FOXJ3: variants seen among roughly 807,000 people sequenced by gnomAD.
The protein encoded by FOXJ3 is forkhead box protein J3.
FOXJ3 carries 22 observed loss-of-function variants against 76.1 expected under a neutral mutation model. That is an observed-to-expected ratio of 0.29 (90% CI 0.21 to 0.41). FOXJ3 has a LOEUF of 0.41. Ranked by LOEUF, FOXJ3 falls within the 10% of genes least tolerant of loss-of-function variation. FOXJ3 has a pLI of 1.00. For missense variants in FOXJ3, 613 were observed against 762.1 expected, an observed-to-expected ratio of 0.80 and a Z score of 2.30; for synonymous variants, 269 against 261.2, an observed-to-expected ratio of 1.03 and a Z score of -0.29.
intron 1 of FOXJ3, among the ~76,000 whole-genome samples, chr1:42,313,799 C>A (rs1052928528): frequency 6.6e-6 from 1 of 152,050 alleles, no homozygotes; most frequent in African/African-American, 2.4e-5. Context: ...GAGCAGCTTT[C>A]TTTATTTAAA....
chr1:42,265,031 T>G, intron 4 of FOXJ3, 84 bp downstream of exon 4: 1 of 878,086 alleles, frequency 1.1e-6, no homozygotes. Context: ...GAGGTTCCTA[T>G]TCAATGAACT....
intron 1 of FOXJ3, among the ~76,000 whole-genome samples, chr1:42,327,802 C>T (rs1311889672): frequency 3.3e-5 from 5 of 152,146 alleles, no homozygotes; most frequent in African/African-American, 9.7e-5. Flanking sequence ...AAACACTATA[C>T]CACTGAGGAG....
intron 1 of FOXJ3, among the ~76,000 whole-genome samples, chr1:42,331,754 C>T (rs936473288): frequency 1.3e-5 from 2 of 151,242 alleles, no homozygotes; most frequent in Admixed American, 6.6e-5. Context: ...TGTGAATACA[C>T]TAAAAACCAC....
intron 5 of FOXJ3, among the ~76,000 whole-genome samples, chr1:42,212,303 T>C (rs1200484677): frequency 1.3e-5 from 2 of 151,692 alleles, no homozygotes; most frequent in Admixed American, 6.6e-5. Flanking sequence ...AAATACAAGG[T>C]GAAAATGCAA....
intron 4 of FOXJ3, among the ~76,000 whole-genome samples, chr1:42,259,797 A>G (rs1650895138): frequency 6.6e-6 from 1 of 152,126 alleles, no homozygotes; most frequent in African/African-American, 2.4e-5. Context: ...TCCTGATTCT[A>G]CCCAGCTTTG....
intron 1 of FOXJ3, chr1:42,315,492 G>T: frequency 1.5e-6 from 1 of 670,454 alleles, no homozygotes; most frequent in Non-Finnish European, 1.8e-6. Flanking sequence ...CCTCCAATAA[G>T]TTACCATTTA....
intron 1 of FOXJ3, 108 bp from the exon 2 acceptor site, chr1:42,311,218 TAC>T: frequency 2.9e-6 from 2 of 686,316 alleles, no homozygotes; most frequent in Non-Finnish European, 4.8e-6. Context: ...TAGAATGTTC[TAC>T]TAAAGAATTC....
chr1:42,285,182 C>T (rs1291129787), intron 2 of FOXJ3, among the ~76,000 whole-genome samples: 1 of 152,022 alleles, frequency 6.6e-6, no homozygotes, highest in African/African-American at 2.4e-5. Flanking sequence ...TAAACGTGTG[C>T]CATGGTGGTT....
At chr1:42,182,141 A>T in intron 11 of FOXJ3, 117 bp from the exon 12 acceptor site, 1 of 611,118 alleles carries the variant, frequency 1.6e-6, no homozygotes, top group Non-Finnish European at 2.9e-6. Flanking sequence ...TAAAATAAGG[A>T]GAAAGGGGGA....
At chr1:42,257,923 A>G (rs1313124142) in intron 4 of FOXJ3, among the ~76,000 whole-genome samples, 1 of 152,174 alleles carries the variant, frequency 6.6e-6, no homozygotes, top group African/African-American at 2.4e-5. Flanking sequence ...TACCCTGCAT[A>G]TTTATCTTAG....
At chr1:42,314,809 A>G (rs1204536303) in intron 1 of FOXJ3, among the ~76,000 whole-genome samples, 3 of 152,248 alleles carry the variant, frequency 2.0e-5, no homozygotes, top group Non-Finnish European at 4.4e-5. Flanking sequence ...TTATAAGCAT[A>G]TACATCTCCA....
intron 8 of FOXJ3, among the ~76,000 whole-genome samples, chr1:42,194,512 G>A (rs767624600): frequency 2.6e-5 from 4 of 152,194 alleles, no homozygotes; most frequent in African/African-American, 4.8e-5. Context: ...GCTAATACCA[G>A]TCAGAACAAA....
At chr1:42,270,065 T>G (rs189058081) in intron 3 of FOXJ3, among the ~76,000 whole-genome samples, 93 of 152,312 alleles carry the variant, frequency 6.1e-4, no homozygotes, top group African/African-American at 2.0e-3. Flanking sequence ...TCTGACCCTA[T>G]CTTGCTTTCA....
chr1:42,300,555 C>A (rs953349672), intron 2 of FOXJ3, among the ~76,000 whole-genome samples: 3 of 152,072 alleles, frequency 2.0e-5, no homozygotes, highest in Admixed American at 6.6e-5. Flanking sequence ...GCGGGTGGAT[C>A]GCTTGAGCTC....
rs556676744 is a variant in FOXJ3 at position 42,327,491 on chromosome 1, C to T, written c.-18+7568G>A. Among the ~76,000 whole-genome samples, 7 of 152,304 alleles carry T rather than the reference C, an allele frequency of 4.6e-5. No homozygotes were observed. In the South Asian group the frequency reaches 1.5e-3, roughly 32 times the overall value. On this transcript the variant is annotated intron_variant, in intron 1 of 12. Transcript: ENST00000361346. Reference sequence around the variant, plus strand: ...AATTTAATAAGCACCCATGTACCACCAGCCAAAATCTAGAGTCTTTATGAT... The same window carrying T: ...AATTTAATAAGCACCCATGTACCACTAGCCAAAATCTAGAGTCTTTATGAT...
intron 12 of FOXJ3, among the ~76,000 whole-genome samples, chr1:42,180,306 G>A (rs1372614744): frequency 1.3e-5 from 2 of 152,184 alleles, no homozygotes; most frequent in Non-Finnish European, 2.9e-5. Flanking sequence ...AGTGAACACA[G>A]AGGACATCAA....
chr1:42,203,575 A>C lies in FOXJ3; in HGVS notation c.630+2187T>G, dbSNP rs16829239. Among the ~76,000 whole-genome samples the C allele has an allele frequency of 2.1e-3, 317 of 152,338 alleles. 2 individuals carry two copies. The highest frequency in any genetic ancestry group is 0.02 in the East Asian group (105 of 5,178). On this transcript the variant is annotated intron_variant, in intron 6 of 12. Transcript: ENST00000361346. The stretch of plus-strand genomic sequence containing the variant: ...GGCTCTCTCCTCCTTTGAAGACCAT[A>C]AACTACAATATTTGTCCCTCCTATT...
At chr1:42,201,892 T>C (rs1646771055) in intron 6 of FOXJ3, among the ~76,000 whole-genome samples, 1 of 152,186 alleles carries the variant, frequency 6.6e-6, no homozygotes, top group Non-Finnish European at 1.5e-5. Context: ...GTTTAATATA[T>C]ACAAAAGTAT....
chr1:42,245,452 C>T (rs921513924), intron 4 of FOXJ3, among the ~76,000 whole-genome samples: 24 of 152,234 alleles, frequency 1.6e-4, no homozygotes, highest in African/African-American at 5.1e-4. Context: ...TCTGACTGCA[C>T]ATCTAAAAGA....
Sources: gnomAD v4.1 joint callset for allele counts (sites outside exome capture counted in the v4.1 genomes callset) on GRCh38, gnomAD v4.1.1 for gene constraint, MANE v1.5 for transcripts, NCBI Gene and HGNC (gene_info 2026-07-23, HGNC 2026-07-21) for gene names.